Variants in CSMD1 observed in about 807,000 individuals in gnomAD.
The protein encoded by CSMD1 is CUB and Sushi multiple domains 1.
A neutral mutation model predicts 417.5 loss-of-function variants in CSMD1; 213 were observed. The ratio of observed to expected loss-of-function variants is 0.51; its 90% CI spans 0.46 to 0.57. CSMD1 has a LOEUF of 0.57. CSMD1 is among the 20% of genes least tolerant of loss of function. The probability of loss-of-function intolerance (pLI) is 0.00; values close to 1 mark genes in which losing one functional copy is unlikely to be tolerated. For synonymous variants in CSMD1, 2,862 were observed against 1,736.8 expected, an observed-to-expected ratio of 1.65 and a Z score of -16.11; for missense variants, 6,923 against 4,529.7, an observed-to-expected ratio of 1.53 and a Z score of -15.17.
At chr8:3,919,922 T>C (rs1291562920) in intron 5 of CSMD1, among the ~76,000 whole-genome samples, 2 of 152,194 alleles carry the variant, frequency 1.3e-5, no homozygotes, top group Non-Finnish European at 2.9e-5. Flanking sequence ...GGAATTTCTT[T>C]ATCAGATAAT....
intron 5 of CSMD1, among the ~76,000 whole-genome samples, chr8:3,774,054 A>G (rs1798766379): frequency 6.6e-6 from 1 of 152,158 alleles, no homozygotes; most frequent in East Asian, 1.9e-4. Flanking sequence ...GGCTTTTGCT[A>G]TTTTCCTAAA....
At chr8:4,528,057 T>C (rs1037060743) in intron 2 of CSMD1, among the ~76,000 whole-genome samples, 3 of 152,176 alleles carry the variant, frequency 2.0e-5, no homozygotes, top group South Asian at 2.1e-4. Flanking sequence ...GCCTAGAGCC[T>C]TTCCCACCAC....
chr8:4,493,339 A>C (rs1417892566), intron 2 of CSMD1, among the ~76,000 whole-genome samples: 1 of 152,146 alleles, frequency 6.6e-6, no homozygotes, highest in Non-Finnish European at 1.5e-5. Context: ...TTCACTCTTA[A>C]CTAGGCACCT....
intron 50 of CSMD1, among the ~76,000 whole-genome samples, chr8:3,034,640 A>G (rs1359437283): frequency 1.3e-5 from 2 of 152,222 alleles, no homozygotes; most frequent in African/African-American, 4.8e-5. Flanking sequence ...ATCAATGCAT[A>G]ATAGTTTAAC....
chr8:4,326,553 G>A (rs1563058239), intron 3 of CSMD1, among the ~76,000 whole-genome samples: 1 of 152,168 alleles, frequency 6.6e-6, no homozygotes, highest in African/African-American at 2.4e-5. Context: ...TGGGCATAAA[G>A]GAAAGTGAAC....
chr8:4,024,340 G>C (rs1324223512), intron 4 of CSMD1, among the ~76,000 whole-genome samples: 1 of 152,074 alleles, frequency 6.6e-6, no homozygotes, highest in Non-Finnish European at 1.5e-5. Flanking sequence ...AACCAGAAAT[G>C]GTTAAATCTT....
chr8:3,437,503 G>A (rs1309049775), intron 12 of CSMD1, among the ~76,000 whole-genome samples: 1 of 152,150 alleles, frequency 6.6e-6, no homozygotes, highest in African/African-American at 2.4e-5. Flanking sequence ...AACACTGGCA[G>A]CTTCTCCAGC....
chr8:4,279,046 A>C (rs1260375225), intron 3 of CSMD1, among the ~76,000 whole-genome samples: 2 of 152,194 alleles, frequency 1.3e-5, no homozygotes, highest in African/African-American at 4.8e-5. Flanking sequence ...TACTTTCCAT[A>C]AACATCACTC....
intron 2 of CSMD1, among the ~76,000 whole-genome samples, chr8:4,548,563 G>C (rs1490730239): frequency 6.6e-6 from 1 of 152,082 alleles, no homozygotes; most frequent in African/African-American, 2.4e-5. Flanking sequence ...CAATGCACAA[G>C]CTTTTCTTTT....
At chr8:4,926,272 T>C (rs1806864999) in intron 1 of CSMD1, among the ~76,000 whole-genome samples, 1 of 152,164 alleles carries the variant, frequency 6.6e-6, no homozygotes, top group Non-Finnish European at 1.5e-5. Context: ...TATCACAGAG[T>C]TAAACATGAA....
Position 4,974,985 on chromosome 8 carries a change from G to C in CSMD1, c.85+19347C>G, listed in dbSNP as rs118175332. ...TCAAGTCGAAATTTTATATATGTTA[G>C]TCTGTGAGAAAATGGATGTTTTTTT... On this transcript the variant is annotated intron_variant, in intron 1 of 69. Coordinates refer to ENST00000635120, the MANE Select transcript of CSMD1 (RefSeq NM_033225.6). Among the ~76,000 whole-genome samples the C allele has an allele frequency of 3.4e-4, 52 of 152,280 alleles. 1 individual carries two copies. In the East Asian group the frequency reaches 9.9e-3, roughly 29 times the overall value.
At chr8:4,846,607 G>A (rs1801162159) in intron 1 of CSMD1, among the ~76,000 whole-genome samples, 2 of 152,322 alleles carry the variant, frequency 1.3e-5, no homozygotes, top group South Asian at 4.1e-4. Flanking sequence ...CAGCCTTGGT[G>A]ACTACTCCAG....
At chr8:4,455,341 A>T (rs1799402483) in intron 2 of CSMD1, among the ~76,000 whole-genome samples, 3 of 152,198 alleles carry the variant, frequency 2.0e-5, no homozygotes, top group Non-Finnish European at 4.4e-5. Flanking sequence ...TGTAACAAGC[A>T]AACTAAGTGA....
intron 1 of CSMD1, among the ~76,000 whole-genome samples, chr8:4,796,719 G>T (rs1264043960): frequency 6.6e-6 from 1 of 152,110 alleles, no homozygotes; most frequent in Admixed American, 6.5e-5. Flanking sequence ...CTTGTACCAG[G>T]GCTCAAAATC....
intron 5 of CSMD1, among the ~76,000 whole-genome samples, chr8:3,931,712 A>G (rs986097265): frequency 1.3e-5 from 2 of 149,246 alleles, no homozygotes; most frequent in African/African-American, 2.5e-5. Context: ...TAGAAGAAGG[A>G]CAGCATTACA....
At chr8:3,641,818 G>T (rs974308082) in intron 7 of CSMD1, among the ~76,000 whole-genome samples, 1 of 152,124 alleles carries the variant, frequency 6.6e-6, no homozygotes, top group Non-Finnish European at 1.5e-5. Context: ...GACCTTTGTC[G>T]ATCTCTTCCC....
At chr8:4,813,094 A>T (rs983107647) in intron 1 of CSMD1, among the ~76,000 whole-genome samples, 1 of 152,356 alleles carries the variant, frequency 6.6e-6, no homozygotes, top group East Asian at 1.9e-4. Context: ...CATGATTTAC[A>T]TAGTTGAGAA....
intron 5 of CSMD1, among the ~76,000 whole-genome samples, chr8:3,965,454 G>T (rs1219359610): frequency 1.3e-5 from 2 of 152,126 alleles, no homozygotes; most frequent in African/African-American, 2.4e-5. Context: ...TTTATGCGTA[G>T]AATTCTCTGT....
intron 6 of CSMD1, among the ~76,000 whole-genome samples, chr8:3,713,341 G>A (rs947269538): frequency 3.3e-5 from 5 of 152,152 alleles, no homozygotes; most frequent in African/African-American, 1.2e-4. Flanking sequence ...AATGGCAGTG[G>A]ATTCTTATTA....
Sources: gnomAD v4.1 joint callset for allele counts (sites outside exome capture counted in the v4.1 genomes callset) on GRCh38, gnomAD v4.1.1 for gene constraint, MANE v1.5 for transcripts, NCBI Gene and HGNC (gene_info 2026-07-23, HGNC 2026-07-21) for gene names.